Variants in MMP7 observed in about 807,000 individuals in gnomAD.
The protein encoded by MMP7 is matrilysin.
Under a neutral mutation model 31.5 loss-of-function variants are expected in MMP7, and 26 were observed. That is an observed-to-expected ratio of 0.83 (90% CI 0.61 to 1.15). MMP7 has a LOEUF of 1.15. Ranked by LOEUF, MMP7 falls within the 50% of genes most tolerant of loss-of-function variation. The pLI is 0.00. For synonymous variants in MMP7, 142 were observed against 124.2 expected (o/e 1.14, Z -0.95); for missense variants, 367 against 326.5 (o/e 1.12, Z -0.96).
intron 5 of MMP7, among the ~76,000 whole-genome samples, chr11:102,521,118 T>C (rs1450162486): frequency 6.6e-6 from 1 of 152,220 alleles, no homozygotes; most frequent in African/African-American, 2.4e-5. Flanking sequence ...TGGATAATAA[T>C]GTCTCATTGA....
chr11:102,524,963 C>T lies in MMP7; in HGVS notation c.586G>A (p.Glu196Lys), dbSNP rs758984805. 2 of 1,614,066 alleles carry T rather than the reference C, an allele frequency of 1.2e-6. No individual in the cohort carries two copies. Among genetic ancestry groups the T allele is most frequent in the South Asian group, 1.1e-5 (1 of 91,060 alleles). The change falls in exon 4 of 6, where the codon GAA becomes AAA. Residue 196 changes from glutamate to lysine, a missense_variant. Coordinates refer to ENST00000260227, the MANE Select transcript of MMP7 (RefSeq NM_002423.5). ...LGGDAHFDED[E>K]RWTDGSSLGI... The stretch of plus-strand genomic sequence containing the variant: ...AGACTGCTACCATCCGTCCAGCGTT[C>T]ATCCTCATCGAAGTGAGCATCTCCT...
At position 102,527,642 on chromosome 11, in the gene MMP7, A is replaced by G; in HGVS notation, c.366T>C (p.His122=). The G allele has an allele frequency of 2.5e-6, 4 of 1,614,162 alleles. No homozygotes were observed. Among genetic ancestry groups the G allele is most frequent in the Non-Finnish European group, 3.4e-6 (4 of 1,180,012 alleles). The change falls in exon 3 of 6, where the codon CAT becomes CAC. Residue 122 remains histidine (H), a synonymous_variant. Coordinates refer to ENST00000260227, the MANE Select transcript of MMP7 (RefSeq NM_002423.5). ...TTGACACTAATCGATCCACTGTAAT[A>G]TGCGGTAAGTCTCGAGTATATGATA... The part of the protein sequence containing the change: ...RIVSYTRDLP[H]ITVDRLVSKA...
At chr11:102,525,956 A>G (rs1357956665) in intron 3 of MMP7, among the ~76,000 whole-genome samples, 1 of 151,920 alleles carries the variant, frequency 6.6e-6, no homozygotes, top group Non-Finnish European at 1.5e-5. Flanking sequence ...TTGTAGTGCC[A>G]TGATTAGTGC....
intron 5 of MMP7, among the ~76,000 whole-genome samples, chr11:102,521,271 C>T (rs1858610137): frequency 6.6e-6 from 1 of 152,200 alleles, no homozygotes; most frequent in African/African-American, 2.4e-5. Flanking sequence ...GATCTTGACT[C>T]ACTGCAACCT....
chr11:102,530,486 G>T lies in MMP7; in HGVS notation c.108+107C>A, dbSNP rs575967155. ...TTATAATCCGAAGAACCACCCCAAA[G>T]AAAATTCCACTGCAATGCTAACATG... is the stretch of plus-strand genomic sequence containing the variant. On this transcript the variant is annotated intron_variant, in intron 1 of 5. Transcript: ENST00000260227. The T allele has an allele frequency of 2.3e-5, 21 of 893,724 alleles. No individual in the cohort carries two copies. The East Asian group carries it at 3.0e-4, about 13-fold the overall frequency. The allele number at this position is 893,724 out of a possible 1,614,324, so 55.4% of individuals were successfully genotyped here.
Position 102,530,727 on chromosome 11 carries a change from T to C in MMP7, c.-27A>G. 2 of 1,599,046 alleles carry C rather than the reference T, an allele frequency of 1.3e-6. No homozygotes were observed. Among genetic ancestry groups the C allele is most frequent in the Non-Finnish European group, 1.7e-6 (2 of 1,169,058 alleles). On this transcript the variant is annotated 5_prime_UTR_variant, in exon 1 of 6. Coordinates refer to ENST00000260227, the MANE Select transcript of MMP7 (RefSeq NM_002423.5). The stretch of plus-strand genomic sequence containing the variant: ...GCTGCCGTCCAGAGACAATTGTTCT[T>C]GGACCTATGGTTGATTTGGTGTTTT...
At chr11:102,527,029 A>G (rs1435940456) in intron 3 of MMP7, 2 of 173,234 alleles carry the variant, frequency 1.2e-5, no homozygotes, top group African/African-American at 4.8e-5. Context: ...GTATTCTATG[A>G]TGTTAGCACA....
At position 102,525,027 on chromosome 11, in the gene MMP7, GTT is replaced by G; in HGVS notation, c.520_521del (p.Asn174HisfsTer20). 6.2e-7 allele frequency: 1 copy of G among 1,613,584 alleles called. No homozygotes were observed. The highest frequency in any genetic ancestry group is 1.3e-5 in the African/African-American group (1 of 74,950). On this transcript the variant is annotated frameshift_variant, in exon 4 of 6. Transcript: ENST00000260227. LOFTEE classifies it high-confidence loss of function. ...CAGGCGCAAAGGCATGAGCCAGCGT[GTT>G]TCCTGGCCCATCAAATGGGTAGGAG... Reference protein sequence around the residue: ...GDSYPFDGPGNTLAHAFAPGT... With the variant: ...GDSYPFDGPGXTLAHAFAPGT...
In MMP7 at chr11:102,520,658, A is replaced by G. The variant is rs780918972; in HGVS notation, c.*118T>C. ...GAAAGACATTCAAAAACCAACTGCA[A>G]TAAAAAAGGGTGACATAATTGCTAA... On this transcript the variant is annotated 3_prime_UTR_variant, in exon 6 of 6. Coordinates refer to ENST00000260227, the MANE Select transcript of MMP7 (RefSeq NM_002423.5). 5.0e-5 allele frequency: 40 copies of G among 795,870 alleles called. No individual in the cohort carries two copies. The highest frequency in any genetic ancestry group is 7.2e-5 in the Non-Finnish European group (37 of 511,096). The allele number at this position is 795,870 out of a possible 1,614,324, so 49.3% of individuals were successfully genotyped here. A position where few individuals can be genotyped will look rare whatever the true frequency, so the allele number is the denominator to read the frequency against.
chr11:102,520,605 C>A lies in MMP7; in HGVS notation c.*171G>T. Reference sequence around the variant, plus strand: ...ATAGATGAATAAGACACAGTCACACCATAAAGGAGTTTATCCTTAAAAGGA... The same window carrying A: ...ATAGATGAATAAGACACAGTCACACAATAAAGGAGTTTATCCTTAAAAGGA... On this transcript the variant is annotated 3_prime_UTR_variant, in exon 6 of 6. Transcript: ENST00000260227. 1.8e-6 allele frequency: 1 copy of A among 554,032 alleles called. No homozygotes were observed. The highest frequency in any genetic ancestry group is 2.4e-5 in the South Asian group (1 of 41,386). The allele number at this position is 554,032 out of a possible 1,614,324, so 34.3% of individuals were successfully genotyped here.
chr11:102,524,634 C>T (rs1476229776), intron 4 of MMP7: 2 of 180,504 alleles, frequency 1.1e-5, no homozygotes, highest in Non-Finnish European at 2.3e-5. Context: ...TTTATATTTC[C>T]ATTCCACAGA....
Position 102,527,540 on chromosome 11 carries a change from A to G in MMP7, c.468T>C (p.Ile156=), listed in dbSNP as rs1442213144. 6.2e-7 allele frequency: 1 copy of G among 1,614,180 alleles called. No individual in the cohort carries two copies. Among genetic ancestry groups the G allele is most frequent in the Non-Finnish European group, 8.5e-7 (1 of 1,180,002 alleles). Residue 156 remains isoleucine, a synonymous_variant, in exon 3 of 6, where the codon ATT becomes ATC. Transcript: ENST00000260227. The stretch of plus-strand genomic sequence containing the variant: ...CTTTCTTACCTCCTCGCGCAAAGCC[A>G]ATCATGATGTCAGCAGTTCCCCATA... ...KVVWGTADIM[I]GFARGAHGDS... is the part of the protein sequence containing the mutation.
rs114625259 is a variant in MMP7, at chr11:102,526,662, G to A, written c.484+862C>T. Among the ~76,000 whole-genome samples the A allele has an allele frequency of 4.5e-3, 690 of 152,210 alleles. 3 individuals carry two copies. The highest frequency in any genetic ancestry group is 0.012 in the African/African-American group (506 of 41,504). On this transcript the variant is annotated intron_variant, in intron 3 of 5. Transcript: ENST00000260227. ...GACTCTTGAGGCCTTTGGAAGCTGC[G>A]ACTCTTTCTGTTGATTTAATATCGA... is the stretch of plus-strand genomic sequence containing the variant.
chr11:102,530,617 A>T lies in MMP7; in HGVS notation c.84T>A (p.Ser28Arg). Residue 28 changes from serine to arginine, a missense_variant, in exon 1 of 6, where the codon AGT becomes AGA. Ser to Arg is a moderately radical substitution (Grantham distance 110). Coordinates refer to ENST00000260227, the MANE Select transcript of MMP7 (RefSeq NM_002423.5). ...LPLPQEAGGM[S>R]ELQWEQAQDY... ...CCTGAGCCTGTTCCCACTGTAGCTC[A>T]CTCATGCCTCCCGCCTCCTGAGGCA... 6.2e-7 allele frequency: 1 copy of T among 1,614,006 alleles called. No homozygotes were observed. Among genetic ancestry groups the T allele is most frequent in the Non-Finnish European group, 8.5e-7 (1 of 1,179,912 alleles).
chr11:102,523,644 T>C (rs533984629), intron 4 of MMP7, among the ~76,000 whole-genome samples: 5 of 152,214 alleles, frequency 3.3e-5, no homozygotes, highest in African/African-American at 1.2e-4. Flanking sequence ...TTTTTTTATT[T>C]GCTTCTTTCA....
At chr11:102,524,736 AC>A (rs1463064285) in intron 4 of MMP7, 199 bp downstream of exon 4, 1 of 412,080 alleles carries the variant, frequency 2.4e-6, no homozygotes, top group Non-Finnish European at 3.9e-6. Flanking sequence ...GTGGTGCTTG[AC>A]TCCATAGCCT....
Position 102,530,633 on chromosome 11 carries a change from T to G in MMP7, c.68A>C (p.Glu23Ala). Residue 23 changes from glutamate (E) to alanine (A), a missense_variant, in exon 1 of 6, where the codon GAG (glutamate) becomes GCG (alanine). Glu to Ala is a moderately radical substitution (Grantham distance 107). Transcript: ENST00000260227. Reference protein sequence around the residue: ...PGSLALPLPQEAGGMSELQWE... With the variant: ...PGSLALPLPQAAGGMSELQWE... ...CTGTAGCTCACTCATGCCTCCCGCCTCCTGAGGCAGCGGCAGGGCCAGGCT... is the reference window on the plus strand; with the variant it reads ...CTGTAGCTCACTCATGCCTCCCGCCGCCTGAGGCAGCGGCAGGGCCAGGCT... 6.2e-7 allele frequency: 1 copy of G among 1,613,996 alleles called. No homozygotes were observed. Among genetic ancestry groups the G allele is most frequent in the Non-Finnish European group, 8.5e-7 (1 of 1,179,910 alleles).
At position 102,523,341 on chromosome 11, in the gene MMP7, G is replaced by A; in HGVS notation, c.674C>T (p.Ser225Phe). 6.2e-7 allele frequency: 1 copy of A among 1,613,114 alleles called. No individual in the cohort carries two copies. Among genetic ancestry groups the A allele is most frequent in the Admixed American group, 1.7e-5 (1 of 59,990 alleles). Residue 225 changes from serine (S) to phenylalanine (F), a missense_variant, in exon 5 of 6, where the codon TCC becomes TTC. Physicochemically the swap from Ser to Phe is radical, Grantham distance 155 (BLOSUM62 -2). Coordinates refer to ENST00000260227, the MANE Select transcript of MMP7 (RefSeq NM_002423.5). ...ATACATCACTGCATTAGGATCAGAG[G>A]AATGTCCCATACCCAAAGAATGGCC... ...ELGHSLGMGH[S>F]SDPNAVMYPT...
rs1307028927 is a variant in MMP7 at position 102,523,254 on chromosome 11, A to G, written c.761T>C (p.Ile254Thr). 17 of 1,603,496 alleles carry G rather than the reference A, an allele frequency of 1.1e-5. No homozygotes were observed. Among genetic ancestry groups the G allele is most frequent in the Non-Finnish European group, 1.3e-5 (15 of 1,173,878 alleles). ...ATAAATATTACCATATAGTTTCTGAATGCCTTTAATATCATCCTGGGAAAG... is the reference window on the plus strand; with the variant it reads ...ATAAATATTACCATATAGTTTCTGAGTGCCTTTAATATCATCCTGGGAAAG... ...FKLSQDDIKGIQKLYGKRSNS... is the reference protein window; with the variant it reads ...FKLSQDDIKGTQKLYGKRSNS... Residue 254 changes from isoleucine to threonine, a missense_variant, in exon 5 of 6, where the codon ATT (isoleucine) becomes ACT (threonine). By Grantham distance (89) the Ile-to-Thr change is moderately conservative. Coordinates refer to ENST00000260227, the MANE Select transcript of MMP7 (RefSeq NM_002423.5).
Sources: gnomAD v4.1 joint callset for allele counts (sites outside exome capture counted in the v4.1 genomes callset) on GRCh38, gnomAD v4.1.1 for gene constraint, MANE v1.5 for transcripts, NCBI Gene and HGNC (gene_info 2026-07-23, HGNC 2026-07-21) for gene names.